The following PCED1B variants were observed in gnomAD, a reference collection of about 807,000 sequenced individuals.
PCED1B encodes PC-esterase domain containing 1B.
For missense variants in PCED1B, 573 were observed against 573.9 expected (o/e 1.00, Z 0.02); for synonymous variants, 251 against 246.1 (o/e 1.02, Z -0.19).
chr12:47,227,593 C>A (rs941045429), intron 3 of PCED1B, among the ~76,000 whole-genome samples: 6 of 151,990 alleles, frequency 3.9e-5, no homozygotes, highest in Non-Finnish European at 8.8e-5. Flanking sequence ...GTGGTTCACG[C>A]CTGTAATCCC....
At position 47,171,807 on chromosome 12, in the gene PCED1B, CTTT is replaced by C. The variant is rs764637234; in HGVS notation, c.-525-44410_-525-44408del. ...TCTAACGTTTCTTCTTCTTCTTCTT[CTTT>C]TTTTCTTCCTCTTCTTCTTCTTCTT... is the stretch of plus-strand genomic sequence containing the variant. On this transcript the variant is annotated intron_variant, in intron 2 of 3. Transcript: ENST00000546455. Among the ~76,000 whole-genome samples the C allele has an allele frequency of 3.4e-4, 47 of 138,856 alleles. 1 individual carries two copies. Among genetic ancestry groups the C allele is most frequent in the African/African-American group, 1.0e-3 (41 of 39,370 alleles). 91.1% of individuals were successfully genotyped at this position (138,856 alleles called of 152,430 possible). A position where few individuals can be genotyped will look rare whatever the true frequency, so the allele number is the denominator to read the frequency against.
rs145687998 is a variant in PCED1B, at chr12:47,192,161, CT to C, written c.-525-24050del. ...AACTATTTCAAAAATGGAGGCTACG[CT>C]TTTTTTTTTTGTTTTTTTTTTTTTG... On this transcript the variant is annotated intron_variant, in intron 2 of 3. Transcript: ENST00000546455. Among the ~76,000 whole-genome samples the C allele has an allele frequency of 1.5e-3, 195 of 130,858 alleles. 1 individual carries two copies. Among genetic ancestry groups the C allele is most frequent in the African/African-American group, 1.9e-3 (65 of 34,020 alleles). 85.8% of individuals were successfully genotyped at this position (130,858 alleles called of 152,430 possible).
At chr12:47,108,636 C>T (rs1917661) in intron 2 of PCED1B, among the ~76,000 whole-genome samples, 117,299 of 152,164 alleles carry the variant, frequency 0.77, 46,561 homozygotes, top group Non-Finnish European at 0.86. Context: ...TTCTCTTAGG[C>T]TTTCATTACT....
At chr12:47,084,792 A>T (rs1937901035) in intron 1 of PCED1B, among the ~76,000 whole-genome samples, 1 of 152,220 alleles carries the variant, frequency 6.6e-6, no homozygotes. Context: ...AAACCTACCA[A>T]AATTACAAGG....
chr12:47,172,687 G>A (rs149733494), intron 2 of PCED1B, among the ~76,000 whole-genome samples: 55 of 152,268 alleles, frequency 3.6e-4, no homozygotes, highest in African/African-American at 1.3e-3. Context: ...CCTGTAAAAT[G>A]GAGATAGCTA....
At chr12:47,176,548 A>C (rs150105876) in intron 2 of PCED1B, among the ~76,000 whole-genome samples, 1 of 152,198 alleles carries the variant, frequency 6.6e-6, no homozygotes, top group East Asian at 1.9e-4. Flanking sequence ...ACCTTGTCCT[A>C]TGCATCTCTT....
Position 47,186,220 on chromosome 12 carries a change from A to C in PCED1B, c.-525-30002A>C, listed in dbSNP as rs1330440740. Among the ~76,000 whole-genome samples, 4 of 110,732 alleles carry C rather than the reference A, an allele frequency of 3.6e-5. No homozygotes were observed. In the South Asian group the frequency reaches 1.5e-3, roughly 41 times the overall value. The allele number at this position is 110,732 out of a possible 152,430, so 72.6% of individuals were successfully genotyped here. A position where few individuals can be genotyped will look rare whatever the true frequency, so the allele number is the denominator to read the frequency against. On this transcript the variant is annotated intron_variant, in intron 2 of 3. Coordinates refer to ENST00000546455, the MANE Select transcript of PCED1B (RefSeq NM_138371.3). ...GTGACAGAGTGAGACTCCGTCTAAA[A>C]AAAAAGAAAAAAAAAAAGAACTTGA...
In PCED1B at chr12:47,220,068, CAA is replaced by C. The variant is rs763940625; in HGVS notation, c.-58+3400_-58+3401del. ...CAGGTGACCAAGGGAGACACTGCCT[CAA>C]AAAAAAAAAAAAAAAAAAAAGAAGA... On this transcript the variant is annotated intron_variant, in intron 3 of 3. Coordinates refer to ENST00000546455, the MANE Select transcript of PCED1B (RefSeq NM_138371.3). Among the ~76,000 whole-genome samples, 433 of 103,696 alleles carry C rather than the reference CAA, an allele frequency of 4.2e-3. 1 individual carries two copies. Among genetic ancestry groups the C allele is most frequent in the African/African-American group, 0.013 (402 of 30,950 alleles). 68.0% of individuals were successfully genotyped at this position (103,696 alleles called of 152,430 possible).
At chr12:47,150,393 G>A (rs1376871774) in intron 2 of PCED1B, among the ~76,000 whole-genome samples, 2 of 151,898 alleles carry the variant, frequency 1.3e-5, no homozygotes, top group East Asian at 1.9e-4. Context: ...GGCCAACATG[G>A]TGAAACCCTG....
At chr12:47,217,486 A>AAG (rs1336651923) in intron 3 of PCED1B, among the ~76,000 whole-genome samples, 2 of 110,892 alleles carry the variant, frequency 1.8e-5, no homozygotes, top group Non-Finnish European at 3.6e-5. Flanking sequence ...GAAAGAAAGA[A>AAG]AGAAAGAAAG....
At position 47,193,824 on chromosome 12, in the gene PCED1B, G is replaced by A. The variant is rs1942519910; in HGVS notation, c.-525-22398G>A. Among the ~76,000 whole-genome samples the A allele has an allele frequency of 3.9e-5, 6 of 152,322 alleles. No homozygotes were observed. The South Asian group carries it at 1.2e-3, about 32-fold the overall frequency. On this transcript the variant is annotated intron_variant, in intron 2 of 3. Transcript: ENST00000546455. The stretch of plus-strand genomic sequence containing the variant: ...TCTGTTTTAAGATTGCATTTCACCA[G>A]TTTATTTCAGGGTGTCTGCCATTTT...
chr12:47,199,602 G>A (rs1942705577), intron 2 of PCED1B, among the ~76,000 whole-genome samples: 1 of 152,132 alleles, frequency 6.6e-6, no homozygotes, highest in Non-Finnish European at 1.5e-5. Flanking sequence ...AGGAGCAAAG[G>A]CAATTCAATA....
intron 2 of PCED1B, among the ~76,000 whole-genome samples, chr12:47,192,401 A>G (rs914485775): frequency 2.0e-5 from 3 of 152,204 alleles, no homozygotes; most frequent in African/African-American, 4.8e-5. Context: ...GTGAAATTGT[A>G]TATACTGCAG....
intron 2 of PCED1B, among the ~76,000 whole-genome samples, chr12:47,188,811 C>A (rs2137645213): frequency 6.6e-6 from 1 of 152,320 alleles, no homozygotes; most frequent in Admixed American, 6.5e-5. Context: ...TCATTTCACT[C>A]ATTCTCCGTA....
At chr12:47,172,537 C>G (rs548842244) in intron 2 of PCED1B, among the ~76,000 whole-genome samples, 2 of 152,126 alleles carry the variant, frequency 1.3e-5, no homozygotes, top group South Asian at 2.1e-4. Flanking sequence ...GAGTTTGATT[C>G]TGAATGTGGT....
intron 2 of PCED1B, among the ~76,000 whole-genome samples, chr12:47,140,316 A>G (rs1940547521): frequency 6.6e-6 from 1 of 152,158 alleles, no homozygotes; most frequent in Non-Finnish European, 1.5e-5. Flanking sequence ...ATAAATCCAT[A>G]ATTTAAATAA....
At chr12:47,177,999 T>A (rs1338533433) in intron 2 of PCED1B, among the ~76,000 whole-genome samples, 1 of 152,072 alleles carries the variant, frequency 6.6e-6, no homozygotes, top group Non-Finnish European at 1.5e-5. Flanking sequence ...TGCTGACAGA[T>A]CTATTTTCTT....
At chr12:47,082,825 G>A (rs902445401) in intron 1 of PCED1B, among the ~76,000 whole-genome samples, 4 of 152,016 alleles carry the variant, frequency 2.6e-5, no homozygotes, top group African/African-American at 9.7e-5. Context: ...TTCCAACCTG[G>A]AATGGGTTGC....
At chr12:47,210,290 G>T (rs1051917763) in intron 2 of PCED1B, 7 of 152,172 alleles carry the variant, frequency 4.6e-5, no homozygotes, top group Non-Finnish European at 7.3e-5. Flanking sequence ...CACAATCAGA[G>T]TCTTCTGTCA....
Sources: allele counts gnomAD v4.1 joint callset (sites outside exome capture counted in the v4.1 genomes callset), GRCh38; gene constraint gnomAD v4.1.1; transcripts MANE v1.5; gene names NCBI Gene and HGNC (gene_info 2026-07-23, HGNC 2026-07-21).